The following EYA1 variants were observed in gnomAD, a reference collection of about 807,000 sequenced individuals.
EYA1 encodes protein phosphatase EYA1.
In EYA1, 16 loss-of-function variants were observed where a neutral mutation model predicts 82.0. The observed-to-expected ratio is 0.20, with a 90% CI of 0.13 to 0.30. The LOEUF is 0.30. EYA1 is among the 10% of genes least tolerant of loss of function. The pLI is 1.00. For synonymous variants in EYA1, 261 were observed against 264.4 expected (o/e 0.99, Z 0.12); for missense variants, 633 against 730.7 (o/e 0.87, Z 1.54).
At chr8:71,329,311 T>G (rs555137747) in intron 4 of EYA1, among the ~76,000 whole-genome samples, 1 of 152,188 alleles carries the variant, frequency 6.6e-6, no homozygotes, top group Non-Finnish European at 1.5e-5. Flanking sequence ...TTTTAAACCA[T>G]TCCTTTACTG....
intron 3 of EYA1, among the ~76,000 whole-genome samples, chr8:71,347,777 A>G (rs935690991): frequency 6.6e-6 from 1 of 152,054 alleles, no homozygotes; most frequent in Non-Finnish European, 1.5e-5. Flanking sequence ...AATGTTAAGA[A>G]AAAAGTTCCC....
At position 71,224,939 on chromosome 8, in the gene EYA1, G is replaced by T. The variant is rs143815388; in HGVS notation, c.1141-7916C>A. On this transcript the variant is annotated intron_variant, in intron 12 of 17. Coordinates refer to ENST00000340726, the MANE Select transcript of EYA1 (RefSeq NM_000503.6). Reference sequence around the variant, plus strand: ...ATTTAGAAGTTCTACAGAGGGAGAGGAGTAGTCAAGGAAGAAGCCAATTGA... The same window carrying T: ...ATTTAGAAGTTCTACAGAGGGAGAGTAGTAGTCAAGGAAGAAGCCAATTGA... Among the ~76,000 whole-genome samples, 65 of 152,312 alleles carry T rather than the reference G, an allele frequency of 4.3e-4. 1 individual carries two copies. In the East Asian group the frequency reaches 0.011, roughly 25 times the overall value.
intron 7 of EYA1, among the ~76,000 whole-genome samples, chr8:71,309,781 A>G (rs1158451813): frequency 6.6e-6 from 1 of 152,176 alleles, no homozygotes; most frequent in Non-Finnish European, 1.5e-5. Context: ...GGGATGCATG[A>G]GGTGTGATGG....
Position 71,304,299 on chromosome 8 carries a change from T to G in EYA1, c.557-4579A>C, listed in dbSNP as rs1045242495. ...ACATCCCGTTTATAGACGAAGAAACTGCCAGAGGTAATAAGCAACTGTGGC... is the reference window on the plus strand; with the variant it reads ...ACATCCCGTTTATAGACGAAGAAACGGCCAGAGGTAATAAGCAACTGTGGC... On this transcript the variant is annotated intron_variant, in intron 7 of 17. Transcript: ENST00000340726. Among the ~76,000 whole-genome samples, 3 of 142,746 alleles carry G rather than the reference T, an allele frequency of 2.1e-5. 1 individual carries two copies. The highest frequency in any genetic ancestry group is 4.8e-5 in the Non-Finnish European group (3 of 62,866). The allele number at this position is 142,746 out of a possible 152,430, so 93.6% of individuals were successfully genotyped here.
At chr8:71,406,598 A>C (rs13265252) in intron 2 of EYA1, among the ~76,000 whole-genome samples, 14,583 of 152,262 alleles carry the variant, frequency 0.096, 831 homozygotes, top group Middle Eastern at 0.14. Context: ...TTTCCCAGTC[A>C]AAGAAAGGGG....
intron 11 of EYA1, among the ~76,000 whole-genome samples, chr8:71,259,001 C>T (rs1723329392): frequency 1.3e-5 from 2 of 152,236 alleles, no homozygotes; most frequent in South Asian, 4.1e-4. Flanking sequence ...ATTCAGAGTG[C>T]TTGAGAAAAG....
chr8:71,225,805 T>C (rs1810489678), intron 12 of EYA1, among the ~76,000 whole-genome samples: 1 of 152,206 alleles, frequency 6.6e-6, no homozygotes, highest in Non-Finnish European at 1.5e-5. Context: ...GACACACATA[T>C]GGCATTTACA....
At chr8:71,443,574 A>C (rs1397514492) in intron 2 of EYA1, among the ~76,000 whole-genome samples, 2 of 152,160 alleles carry the variant, frequency 1.3e-5, no homozygotes, top group African/African-American at 4.8e-5. Context: ...ATTATTTTTA[A>C]TACCTAATCT....
rs765513266 is a variant in EYA1 at position 71,334,299 on chromosome 8, A to T, written c.125-125T>A. 7 of 808,116 alleles carry T rather than the reference A, an allele frequency of 8.7e-6. No individual in the cohort carries two copies. In the African/African-American group the frequency reaches 1.0e-4, roughly 12 times the overall value. 50.1% of individuals were successfully genotyped at this position (808,116 alleles called of 1,614,324 possible). On this transcript the variant is annotated intron_variant, in intron 3 of 17. Coordinates refer to ENST00000340726, the MANE Select transcript of EYA1 (RefSeq NM_000503.6). ...TTCAAAAAACATTTTCCCTAACTGA[A>T]CATATATCATAAGCATAAATAGACT...
intron 1 of EYA1, among the ~76,000 whole-genome samples, chr8:71,537,906 G>A (rs953513332): frequency 6.6e-6 from 1 of 152,162 alleles, no homozygotes; most frequent in African/African-American, 2.4e-5. Flanking sequence ...TAAATTTCAT[G>A]TTTGTTATTG....
chr8:71,207,185 C>T (rs1807895259), intron 17 of EYA1, among the ~76,000 whole-genome samples: 1 of 152,168 alleles, frequency 6.6e-6, no homozygotes, highest in African/African-American at 2.4e-5. Context: ...GCTCCTCCTC[C>T]TAAATTATTT....
At chr8:71,502,917 T>A (rs1461420667) in intron 2 of EYA1, among the ~76,000 whole-genome samples, 1 of 152,226 alleles carries the variant, frequency 6.6e-6, no homozygotes, top group Non-Finnish European at 1.5e-5. Flanking sequence ...TACAGCTGAA[T>A]GGTGAGTTCC....
chr8:71,453,979 T>C (rs185903256), intron 2 of EYA1, among the ~76,000 whole-genome samples: 16 of 152,130 alleles, frequency 1.1e-4, no homozygotes, highest in East Asian at 5.8e-4. Flanking sequence ...GACTGGCAAA[T>C]TGGATAAAGA....
At chr8:71,412,670 T>A (rs1830670459) in intron 2 of EYA1, among the ~76,000 whole-genome samples, 1 of 152,192 alleles carries the variant, frequency 6.6e-6, no homozygotes, top group African/African-American at 2.4e-5. Context: ...GTGTTACATT[T>A]TAAATACTCC....
chr8:71,201,545 A>C (rs1807016955), intron 17 of EYA1, among the ~76,000 whole-genome samples: 1 of 152,192 alleles, frequency 6.6e-6, no homozygotes. Context: ...ATTAGAACAG[A>C]AATTCATGTT....
At chr8:71,458,257 G>A (rs970012272) in intron 2 of EYA1, among the ~76,000 whole-genome samples, 1 of 152,142 alleles carries the variant, frequency 6.6e-6, no homozygotes, top group Non-Finnish European at 1.5e-5. Flanking sequence ...TATATAGTCT[G>A]AGGTAAGACA....
intron 11 of EYA1, among the ~76,000 whole-genome samples, chr8:71,258,470 T>C (rs1257532758): frequency 6.6e-6 from 1 of 152,244 alleles, no homozygotes; most frequent in Non-Finnish European, 1.5e-5. Context: ...TCATCTCTGC[T>C]AGAAGCCTAA....
chr8:71,329,343 T>G (rs1490612583), intron 4 of EYA1, among the ~76,000 whole-genome samples: 1 of 152,190 alleles, frequency 6.6e-6, no homozygotes, highest in Non-Finnish European at 1.5e-5. Context: ...TTTCTTAATT[T>G]CATATTCTCT....
intron 2 of EYA1, among the ~76,000 whole-genome samples, chr8:71,510,186 A>G (rs1207089292): frequency 2.0e-5 from 3 of 152,196 alleles, no homozygotes; most frequent in Non-Finnish European, 4.4e-5. Context: ...TCATGTATTC[A>G]TTAGACTCAA....
Sources: allele counts gnomAD v4.1 joint callset (sites outside exome capture counted in the v4.1 genomes callset), GRCh38; gene constraint gnomAD v4.1.1; transcripts MANE v1.5; gene names NCBI Gene and HGNC (gene_info 2026-07-23, HGNC 2026-07-21).